CAMKK2: variants seen among roughly 807,000 people sequenced by gnomAD.
CAMKK2 encodes calcium/calmodulin dependent protein kinase kinase 2.
CAMKK2 carries 30 observed loss-of-function variants against 67.2 expected under a neutral mutation model. That is an observed-to-expected ratio of 0.45 (90% CI 0.33 to 0.61). CAMKK2 has a LOEUF of 0.61. Ranked by LOEUF, CAMKK2 falls within the 20% of genes least tolerant of loss-of-function variation. The pLI is 0.02. For missense variants in CAMKK2, 643 were observed against 802.0 expected (o/e 0.80, Z 2.39); for synonymous variants, 322 against 326.2 (o/e 0.99, Z 0.14).
intron 5 of CAMKK2, 58 bp downstream of exon 5, chr12:121,268,580 G>A: frequency 2.7e-6 from 4 of 1,495,076 alleles, no homozygotes; most frequent in Non-Finnish European, 3.7e-6. Context: ...CATTCAGGGG[G>A]CTCTGCCCTG....
intron 7 of CAMKK2, among the ~76,000 whole-genome samples, chr12:121,257,384 C>G (rs1031161991): frequency 1.3e-5 from 2 of 151,848 alleles, no homozygotes; most frequent in Non-Finnish European, 2.9e-5. Flanking sequence ...GTAGCTGGGA[C>G]TACAGGCACC....
intron 1 of CAMKK2, among the ~76,000 whole-genome samples, chr12:121,276,044 C>T (rs1896738391): frequency 6.6e-6 from 1 of 151,160 alleles, no homozygotes; most frequent in Non-Finnish European, 1.5e-5. Context: ...CCTGTAGTCC[C>T]AGCTACTCAG....
chr12:121,289,237 A>C lies in CAMKK2; in HGVS notation c.-60+7401T>G, dbSNP rs572462797. On this transcript the variant is annotated intron_variant, in intron 1 of 16. Coordinates refer to ENST00000404169, the MANE Select transcript of CAMKK2 (RefSeq NM_001270485.2). ...AAACTTTGGCTTTTCTCTATGCTTA[A>C]AATGTTTCATAATTGAAAAAAAAAA... Among the ~76,000 whole-genome samples, 71 of 152,176 alleles carry C rather than the reference A, an allele frequency of 4.7e-4. 1 individual carries two copies. Among genetic ancestry groups the C allele is most frequent in the Middle Eastern group, 6.8e-3 (2 of 294 alleles).
At chr12:121,250,898 A>T (rs942547991) in intron 11 of CAMKK2, among the ~76,000 whole-genome samples, 1 of 152,242 alleles carries the variant, frequency 6.6e-6, no homozygotes, top group Non-Finnish European at 1.5e-5. Flanking sequence ...AGAAAAACAG[A>T]AGTTCAGAGA....
rs745497300 is a variant in CAMKK2, at chr12:121,255,836, T to C, written c.797-32A>G. 6.8e-6 allele frequency: 11 copies of C among 1,610,966 alleles called. No homozygotes were observed. In the Admixed American group the frequency reaches 8.3e-5, roughly 12 times the overall value. On this transcript the variant is annotated intron_variant, in intron 7 of 16. Coordinates refer to ENST00000404169, the MANE Select transcript of CAMKK2 (RefSeq NM_001270485.2). ...GGAAGAAAAGGGTGAAACTGTTACA[T>C]GGGAAACTGAACATCCATCTCTCTC...
chr12:121,276,249 C>T (rs1896795139), intron 1 of CAMKK2, among the ~76,000 whole-genome samples: 1 of 150,674 alleles, frequency 6.6e-6, no homozygotes, highest in Non-Finnish European at 1.5e-5. Context: ...AGGTGGATCA[C>T]CTGAGGTCAG....
intron 1 of CAMKK2, among the ~76,000 whole-genome samples, chr12:121,292,747 C>T (rs1020155227): frequency 2.4e-4 from 36 of 152,110 alleles, no homozygotes; most frequent in African/African-American, 8.4e-4. Flanking sequence ...CCTAGAGGAT[C>T]ACTTGAGTCC....
intron 14 of CAMKK2, among the ~76,000 whole-genome samples, chr12:121,246,260 G>C (rs796231807): frequency 5.3e-5 from 8 of 150,280 alleles, no homozygotes; most frequent in Admixed American, 2.0e-4. Flanking sequence ...GAGCGGGGGG[G>C]GGGAGGCGGG....
At position 121,240,930 on chromosome 12, in the gene CAMKK2, C is replaced by T; in HGVS notation, c.1597-61G>A. The stretch of plus-strand genomic sequence containing the variant: ...GAGAAATGCCAGCGAGGCCCTGAGC[C>T]AGCTGCTCCCACATCTGGGCCCCCT... On this transcript the variant is annotated intron_variant, in intron 16 of 16. Coordinates refer to ENST00000404169, the MANE Select transcript of CAMKK2 (RefSeq NM_001270485.2). The surrounding 1 kb of genome is among the most constrained non-coding windows in gnomAD (Gnocchi z 4.4). The T allele has an allele frequency of 6.4e-7, 1 of 1,567,574 alleles. No homozygotes were observed. Among genetic ancestry groups the T allele is most frequent in the Middle Eastern group, 1.7e-4 (1 of 5,906 alleles).
intron 6 of CAMKK2, among the ~76,000 whole-genome samples, chr12:121,262,373 G>A (rs371950538): frequency 1.3e-5 from 2 of 151,910 alleles, no homozygotes; most frequent in Admixed American, 6.6e-5. Context: ...TTAGCCAGGC[G>A]TGGTAGCGGG....
At chr12:121,254,978 C>T (rs955426281) in intron 9 of CAMKK2, among the ~76,000 whole-genome samples, 24 of 151,164 alleles carry the variant, frequency 1.6e-4, no homozygotes, top group East Asian at 5.9e-4. Flanking sequence ...CAGCTGCCAG[C>T]GAATATAAAG....
In CAMKK2 at chr12:121,240,530, T is replaced by TTTA. The variant is rs1187921262; in HGVS notation, c.*168_*169insTAA. The TTTA allele has an allele frequency of 2.0e-6, 3 of 1,534,822 alleles. No individual in the cohort carries two copies. Among genetic ancestry groups the TTTA allele is most frequent in the Non-Finnish European group, 2.6e-6 (3 of 1,146,522 alleles). On this transcript the variant is annotated 3_prime_UTR_variant, in exon 17 of 17. Coordinates refer to ENST00000404169, the MANE Select transcript of CAMKK2 (RefSeq NM_001270485.2). This position sits in a 1 kb window ranked among gnomAD's most constrained non-coding sequence, Gnocchi z 4.4. ...GACGTCATGGAGTCAAGTCCTTTTT[T>TTTA]TTTTTTTGTCCCCTTTAAAACAACA...
intron 7 of CAMKK2, among the ~76,000 whole-genome samples, chr12:121,259,290 G>A (rs1892974959): frequency 6.6e-6 from 1 of 152,140 alleles, no homozygotes; most frequent in Admixed American, 6.5e-5. Flanking sequence ...TCCTGCTCGG[G>A]GTTTTTGTTT....
Position 121,240,401 on chromosome 12 carries a change from T to G in CAMKK2, c.*298A>C. 1 of 1,499,134 alleles carries G rather than the reference T, an allele frequency of 6.7e-7. No individual in the cohort carries two copies. Among genetic ancestry groups the G allele is most frequent in the Non-Finnish European group, 8.9e-7 (1 of 1,121,034 alleles). 92.9% of individuals were successfully genotyped at this position (1,499,134 alleles called of 1,614,324 possible). On this transcript the variant is annotated 3_prime_UTR_variant, in exon 17 of 17. Transcript: ENST00000404169. The surrounding 1 kb of genome is among the most constrained non-coding windows in gnomAD (Gnocchi z 4.4). ...GGTTCTGAAAATCACAATGAAGGAT[T>G]TTTGGCATAAAAACGTTTTAAAAAG... is the stretch of plus-strand genomic sequence containing the variant.
chr12:121,255,382 T>TATA (rs1892028017), intron 9 of CAMKK2, among the ~76,000 whole-genome samples, 168 bp downstream of exon 9: 4 of 30,690 alleles, frequency 1.3e-4, no homozygotes, highest in Admixed American at 1.4e-3. Flanking sequence ...ATATATAATT[T>TATA]TATATATATA....
chr12:121,241,433 G>A (rs1412024600), intron 16 of CAMKK2, among the ~76,000 whole-genome samples: 1 of 152,212 alleles, frequency 6.6e-6, no homozygotes. Context: ...CCTGAGGGAG[G>A]AGCACCTCAG....
rs1319654437 is a variant in CAMKK2 at position 121,255,222 on chromosome 12, A to ATATATATATAATTATATATATAAT, written c.907+327_907+328insATTATATATATAATTATATATATA. ...TATATATAATTATATATATAATTTT[A>ATATATATATAATTATATATATAAT]TATATATATAATTTTATATATATAT... is the stretch of plus-strand genomic sequence containing the variant. On this transcript the variant is annotated intron_variant, in intron 9 of 16. Coordinates refer to ENST00000404169, the MANE Select transcript of CAMKK2 (RefSeq NM_001270485.2). Among the ~76,000 whole-genome samples the ATATATATATAATTATATATATAAT allele has an allele frequency of 2.3e-4, 4 of 17,490 alleles. 1 individual carries two copies. The highest frequency in any genetic ancestry group is 2.1e-3 in the South Asian group (2 of 972). 11.5% of individuals were successfully genotyped at this position (17,490 alleles called of 152,430 possible).
chr12:121,281,412 T>G (rs987562527), intron 1 of CAMKK2, among the ~76,000 whole-genome samples: 1 of 152,224 alleles, frequency 6.6e-6, no homozygotes, highest in African/African-American at 2.4e-5. Context: ...AGGCTACGGA[T>G]GATGTCCTGC....
chr12:121,288,766 CTT>C (rs1364024681), intron 1 of CAMKK2, among the ~76,000 whole-genome samples: 1 of 152,018 alleles, frequency 6.6e-6, no homozygotes, highest in African/African-American at 2.4e-5. Context: ...CCATCCCTCT[CTT>C]TTCCAGGTTG....
Sources: allele counts gnomAD v4.1 joint callset (sites outside exome capture counted in the v4.1 genomes callset), GRCh38; gene constraint gnomAD v4.1.1; non-coding constraint Gnocchi (gnomAD v3.1); transcripts MANE v1.5; gene names NCBI Gene and HGNC (gene_info 2026-07-23, HGNC 2026-07-21).